The following DUS2 variants were observed in gnomAD, a reference collection of about 807,000 sequenced individuals.
DUS2 encodes the protein tRNA-dihydrouridine(20) synthase [NAD(P)+]-like.
DUS2 carries 52 observed loss-of-function variants against 71.3 expected under a neutral mutation model. The ratio of observed to expected loss-of-function variants is 0.73; its 90% CI spans 0.58 to 0.92. The LOEUF (loss-of-function observed/expected upper bound fraction) is 0.92, where lower values mean the gene tolerates loss of function less well. Among genes scored for constraint, DUS2 ranks in the 40% least tolerant of loss-of-function variants. The probability of loss-of-function intolerance (pLI) is 0.00; values close to 1 mark genes in which losing one functional copy is unlikely to be tolerated. For missense variants in DUS2, 558 were observed against 622.6 expected, an observed-to-expected ratio of 0.90 and a Z score of 1.10; for synonymous variants, 204 against 227.8, an observed-to-expected ratio of 0.90 and a Z score of 0.94.
intron 10 of DUS2, 117 bp downstream of exon 10, chr16:68,066,753 A>C (rs1028224327): frequency 9.9e-6 from 10 of 1,007,578 alleles, no homozygotes; most frequent in Non-Finnish European, 1.5e-5. Context: ...TATTCAGCCT[A>C]CCTCTGCCTA....
chr16:68,077,680 C>T (rs1289359955), intron 15 of DUS2, among the ~76,000 whole-genome samples: 1 of 152,226 alleles, frequency 6.6e-6, no homozygotes, highest in Non-Finnish European at 1.5e-5. Context: ...TGAGCCACCG[C>T]ACTTGGCCCA....
intron 15 of DUS2, 82 bp from the exon 16 acceptor site, chr16:68,078,363 A>T: frequency 6.8e-6 from 9 of 1,329,370 alleles, no homozygotes; most frequent in Non-Finnish European, 9.7e-6. Context: ...ACTTCCTTTT[A>T]TCTGCCTTTG....
At chr16:68,077,497 C>T (rs1474659182) in intron 15 of DUS2, 2 of 152,184 alleles carry the variant, frequency 1.3e-5, no homozygotes, top group Non-Finnish European at 2.9e-5. Context: ...AGTGATTCTC[C>T]TGTGTCAGCC....
At chr16:68,032,060 G>T (rs536879521) in intron 2 of DUS2, among the ~76,000 whole-genome samples, 1 of 152,336 alleles carries the variant, frequency 6.6e-6, no homozygotes, top group Admixed American at 6.5e-5. Flanking sequence ...TGGTAGAAGA[G>T]ATTGGAAATG....
At chr16:68,043,644 T>C (rs1434981754) in intron 3 of DUS2, among the ~76,000 whole-genome samples, 1 of 152,300 alleles carries the variant, frequency 6.6e-6, no homozygotes. Flanking sequence ...AATTAAAAAT[T>C]ATGTTTTTAG....
chr16:68,033,634 A>ATTTTTTTTTTT (rs548683357), intron 2 of DUS2, among the ~76,000 whole-genome samples: 8 of 125,340 alleles, frequency 6.4e-5, no homozygotes, highest in Middle Eastern at 4.9e-3. Flanking sequence ...ACAGGTGCTA[A>ATTTTTTTTTTT]TTTTTTTTTT....
At chr16:68,040,400 C>T (rs919669822) in intron 3 of DUS2, among the ~76,000 whole-genome samples, 6 of 152,034 alleles carry the variant, frequency 3.9e-5, no homozygotes. Context: ...TGTTTTCAAG[C>T]CCTTTGGAAG....
intron 8 of DUS2, among the ~76,000 whole-genome samples, chr16:68,063,883 C>T (rs548975591): frequency 8.5e-5 from 13 of 152,178 alleles, no homozygotes; most frequent in South Asian, 6.2e-4. Flanking sequence ...CCACAACACC[C>T]GGCTAATTTT....
chr16:68,069,255 G>C (rs2034051698), intron 10 of DUS2, among the ~76,000 whole-genome samples: 2 of 152,142 alleles, frequency 1.3e-5, no homozygotes, highest in Non-Finnish European at 2.9e-5. Flanking sequence ...GCTAGGCATG[G>C]TAGCTCATGC....
chr16:68,071,146 C>G, intron 12 of DUS2, 38 bp downstream of exon 12: 1 of 1,608,006 alleles, frequency 6.2e-7, no homozygotes, highest in South Asian at 1.1e-5. Flanking sequence ...GCATTTCTCA[C>G]TGTCTACCAC....
chr16:68,060,596 G>A (rs1238696019), intron 7 of DUS2, among the ~76,000 whole-genome samples: 1 of 152,148 alleles, frequency 6.6e-6, no homozygotes, highest in East Asian at 1.9e-4. Flanking sequence ...TTACAGGCGT[G>A]AGCCACCACG....
chr16:68,038,682 A>T (rs1025948793), intron 3 of DUS2, among the ~76,000 whole-genome samples: 1 of 150,652 alleles, frequency 6.6e-6, no homozygotes, highest in African/African-American at 2.4e-5. Flanking sequence ...GTGAGCAAAG[A>T]TCACGCCACT....
intron 7 of DUS2, among the ~76,000 whole-genome samples, 183 bp from the exon 8 acceptor site, chr16:68,060,883 C>T (rs1479344654): frequency 1.3e-5 from 2 of 152,018 alleles, no homozygotes; most frequent in African/African-American, 2.4e-5. Flanking sequence ...CACTTCAGTC[C>T]CAGATGTTAT....
chr16:68,028,461 C>T (rs2033389163), intron 2 of DUS2, among the ~76,000 whole-genome samples: 1 of 151,958 alleles, frequency 6.6e-6, no homozygotes, highest in Admixed American at 6.6e-5. Context: ...TGGTGAAACC[C>T]CATCCCTACT....
intron 7 of DUS2, 129 bp from the exon 8 acceptor site, chr16:68,060,937 C>T (rs368736767): frequency 6.5e-5 from 48 of 737,418 alleles, no homozygotes; most frequent in East Asian, 1.5e-4. Context: ...AAAGAAGTGC[C>T]GGTTGCCAGT....
intron 2 of DUS2, among the ~76,000 whole-genome samples, chr16:68,037,564 C>A (rs1403518383): frequency 6.6e-6 from 1 of 151,814 alleles, no homozygotes; most frequent in Non-Finnish European, 1.5e-5. Context: ...ATTACAGGTG[C>A]CCGCCACCAT....
Position 68,070,077 on chromosome 16 carries a change from TGA to T in DUS2, c.555-55_555-54del. ...AAGGTTTGGCTGAGGTAACCCTGTG[TGA>T]GTGGTGTCGTGGCTTTTGGTGCTTA... On this transcript the variant is annotated intron_variant, in intron 10 of 16. Transcript: ENST00000565263. 2.0e-6 allele frequency: 3 copies of T among 1,501,062 alleles called. No individual in the cohort carries two copies. The South Asian group carries it at 3.4e-5, about 17-fold the overall frequency. The allele number at this position is 1,501,062 out of a possible 1,614,324, so 93.0% of individuals were successfully genotyped here.
At chr16:68,025,349 A>G (rs2033332719) in intron 1 of DUS2, 66 bp from the exon 2 acceptor site, 1 of 152,182 alleles carries the variant, frequency 6.6e-6, no homozygotes, top group African/African-American at 2.4e-5. Flanking sequence ...AAAAAAAAAA[A>G]AAAAAGGTCC....
intron 7 of DUS2, among the ~76,000 whole-genome samples, chr16:68,058,826 T>G (rs2033897198): frequency 6.6e-6 from 1 of 152,154 alleles, no homozygotes; most frequent in South Asian, 2.1e-4. Flanking sequence ...CACTGATCAG[T>G]CAGAAGAGAC....
Sources: allele counts gnomAD v4.1 joint callset (sites outside exome capture counted in the v4.1 genomes callset), GRCh38; gene constraint gnomAD v4.1.1; transcripts MANE v1.5; gene names NCBI Gene and HGNC (gene_info 2026-07-23, HGNC 2026-07-21).